HHAT: variants seen among roughly 807,000 people sequenced by gnomAD.
HHAT encodes the protein protein-cysteine N-palmitoyltransferase HHAT.
A neutral mutation model predicts 70.8 loss-of-function variants in HHAT; 47 were observed. That is an observed-to-expected ratio of 0.66 (90% confidence interval 0.53 to 0.85). The LOEUF (loss-of-function observed/expected upper bound fraction) is 0.85, where lower values mean the gene tolerates loss of function less well. Among genes scored for constraint, HHAT ranks in the 40% least tolerant of loss-of-function variants. HHAT has a pLI of 0.00. For synonymous variants in HHAT, 228 were observed against 247.6 expected, an observed-to-expected ratio of 0.92 and a Z score of 0.74; for missense variants, 609 against 604.8, an observed-to-expected ratio of 1.01 and a Z score of -0.07.
intron 9 of HHAT, among the ~76,000 whole-genome samples, chr1:210,521,765 C>T (rs1206982522): frequency 1.3e-5 from 2 of 152,160 alleles, no homozygotes; most frequent in Non-Finnish European, 2.9e-5. Flanking sequence ...GGAGATGAGC[C>T]ACTCTTTTTT....
At chr1:210,343,657 C>A (rs978196565) in intron 1 of HHAT, among the ~76,000 whole-genome samples, 1 of 152,120 alleles carries the variant, frequency 6.6e-6, no homozygotes, top group South Asian at 2.1e-4. Context: ...GAAGAGGCAC[C>A]GGGCTGAAAG....
intron 7 of HHAT, among the ~76,000 whole-genome samples, chr1:210,449,544 C>T (rs1419510172): frequency 1.3e-5 from 2 of 152,178 alleles, no homozygotes; most frequent in Non-Finnish European, 2.9e-5. Flanking sequence ...GTTAATTCCT[C>T]CAAAACATCT....
intron 7 of HHAT, among the ~76,000 whole-genome samples, chr1:210,452,554 C>T (rs1042004828): frequency 3.9e-5 from 6 of 152,140 alleles, no homozygotes; most frequent in Admixed American, 6.6e-5. Flanking sequence ...ATGAATATTT[C>T]GGTAGTATCT....
chr1:210,386,230 C>CTTTTTT (rs869305965), intron 3 of HHAT, among the ~76,000 whole-genome samples: 16 of 69,918 alleles, frequency 2.3e-4, no homozygotes, highest in East Asian at 1.4e-3. Context: ...TTCTTTTTTT[C>CTTTTTT]TTTTTTTTTT....
intron 9 of HHAT, among the ~76,000 whole-genome samples, chr1:210,571,133 T>G (rs1288152176): frequency 1.3e-5 from 2 of 152,224 alleles, no homozygotes; most frequent in Admixed American, 1.3e-4. Flanking sequence ...GATGGCGAGC[T>G]CTGGATCAGC....
intron 9 of HHAT, among the ~76,000 whole-genome samples, chr1:210,525,590 G>C (rs573309402): frequency 6.6e-6 from 1 of 152,202 alleles, no homozygotes; most frequent in Non-Finnish European, 1.5e-5. Context: ...TGTCTTCCTA[G>C]CTGTGCTATA....
chr1:210,332,186 T>C (rs2085050317), intron 1 of HHAT, among the ~76,000 whole-genome samples: 1 of 152,178 alleles, frequency 6.6e-6, no homozygotes, highest in African/African-American at 2.4e-5. Flanking sequence ...TTGGCCCGAG[T>C]AGTGAAACCA....
At chr1:210,367,790 T>C (rs1281314769) in intron 3 of HHAT, among the ~76,000 whole-genome samples, 1 of 152,126 alleles carries the variant, frequency 6.6e-6, no homozygotes, top group Non-Finnish European at 1.5e-5. Flanking sequence ...ACAACAGAAG[T>C]GGTGTGGGTG....
In HHAT at chr1:210,674,505, T is replaced by TC. The variant is rs1356394618; in HGVS notation, c.*128dup. 1 of 654,804 alleles carries TC rather than the reference T, an allele frequency of 1.5e-6. No homozygotes were observed. The highest frequency in any genetic ancestry group is 2.8e-5 in the East Asian group (1 of 35,514). The allele number at this position is 654,804 out of a possible 1,614,324, so 40.6% of individuals were successfully genotyped here. A position where few individuals can be genotyped will look rare whatever the true frequency, so the allele number is the denominator to read the frequency against. ...CTCATCTTCAGTTGAATGCCCTCACTCCAAGACTGGATGCTGGATCTCATA... is the reference window on the plus strand; with the variant it reads ...CTCATCTTCAGTTGAATGCCCTCACTCCCAAGACTGGATGCTGGATCTCATA... On this transcript the variant is annotated 3_prime_UTR_variant, in exon 12 of 12. Coordinates refer to ENST00000261458, the MANE Select transcript of HHAT (RefSeq NM_018194.6).
intron 11 of HHAT, among the ~76,000 whole-genome samples, chr1:210,627,648 G>T (rs1173729434): frequency 2.0e-5 from 3 of 152,072 alleles, no homozygotes. Flanking sequence ...CCACAAAACA[G>T]TTTTGGTCAG....
chr1:210,461,097 G>C (rs1196467340), intron 7 of HHAT, among the ~76,000 whole-genome samples: 1 of 152,066 alleles, frequency 6.6e-6, no homozygotes, highest in Non-Finnish European at 1.5e-5. Flanking sequence ...TAATATTTTT[G>C]AGCATAACAA....
chr1:210,420,119 C>G (rs1225504392), intron 7 of HHAT, among the ~76,000 whole-genome samples: 1 of 152,210 alleles, frequency 6.6e-6, no homozygotes. Context: ...CTCTATTACC[C>G]TCTCTGAAAA....
At chr1:210,385,250 T>C (rs1294608875) in intron 3 of HHAT, among the ~76,000 whole-genome samples, 1 of 78,186 alleles carries the variant, frequency 1.3e-5, no homozygotes, top group Non-Finnish European at 2.5e-5. Context: ...TCATATGTTT[T>C]TCTTTTTTTT....
chr1:210,515,714 C>T (rs973192908), intron 9 of HHAT, among the ~76,000 whole-genome samples: 30 of 147,808 alleles, frequency 2.0e-4, no homozygotes, highest in African/African-American at 6.5e-4. Context: ...GCTGAGATTG[C>T]GCCACTGCAC....
At chr1:210,365,438 T>G (rs1409778075) in intron 3 of HHAT, among the ~76,000 whole-genome samples, 1 of 148,666 alleles carries the variant, frequency 6.7e-6, no homozygotes, top group Non-Finnish European at 1.5e-5. Context: ...CACATCAGCT[T>G]CCTGAGTAGC....
intron 3 of HHAT, among the ~76,000 whole-genome samples, chr1:210,377,938 A>T (rs947517009): frequency 6.6e-6 from 1 of 152,220 alleles, no homozygotes; most frequent in Non-Finnish European, 1.5e-5. Flanking sequence ...TTTACAGAAA[A>T]AAAGGTTTTA....
chr1:210,586,344 G>A (rs963006519), intron 9 of HHAT, among the ~76,000 whole-genome samples: 4 of 152,164 alleles, frequency 2.6e-5, no homozygotes, highest in East Asian at 1.9e-4. Context: ...GGGGGCTAAA[G>A]TGGGAGGATT....
At chr1:210,376,860 T>G (rs182292682) in intron 3 of HHAT, among the ~76,000 whole-genome samples, 128 of 152,352 alleles carry the variant, frequency 8.4e-4, no homozygotes, top group African/African-American at 3.0e-3. Flanking sequence ...GGTTCCCTTC[T>G]TCTTCCCCTA....
chr1:210,608,635 T>C (rs2148836860), intron 10 of HHAT, among the ~76,000 whole-genome samples: 1 of 152,306 alleles, frequency 6.6e-6, no homozygotes, highest in East Asian at 1.9e-4. Context: ...CATTTAATTG[T>C]AGTATGATTT....
Sources: gnomAD v4.1 joint callset for allele counts (sites outside exome capture counted in the v4.1 genomes callset) on GRCh38, gnomAD v4.1.1 for gene constraint, MANE v1.5 for transcripts, NCBI Gene and HGNC (gene_info 2026-07-23, HGNC 2026-07-21) for gene names.